Variants in AIG1 observed in about 807,000 individuals in gnomAD.
The protein encoded by AIG1 is androgen induced 1.
In AIG1, 23 loss-of-function variants were observed where a neutral mutation model predicts 31.4. That is an observed-to-expected ratio of 0.73 (90% CI 0.53 to 1.04). The LOEUF (loss-of-function observed/expected upper bound fraction) is 1.04, where lower values mean the gene tolerates loss of function less well. Ranked by LOEUF, AIG1 falls within the 50% of genes least tolerant of loss-of-function variation. AIG1 has a pLI of 0.00. For synonymous variants in AIG1, 100 were observed against 110.5 expected, an observed-to-expected ratio of 0.90 and a Z score of 0.60; for missense variants, 274 against 295.0, an observed-to-expected ratio of 0.93 and a Z score of 0.52.
intron 3 of AIG1, among the ~76,000 whole-genome samples, chr6:143,214,769 A>G (rs1252578481): frequency 6.6e-6 from 1 of 152,004 alleles, no homozygotes; most frequent in Non-Finnish European, 1.5e-5. Context: ...CTGCACACCT[A>G]TGCTTCACCA....
intron 3 of AIG1, among the ~76,000 whole-genome samples, chr6:143,205,390 GT>G (rs1791033329): frequency 6.6e-6 from 1 of 152,170 alleles, no homozygotes; most frequent in South Asian, 2.1e-4. Flanking sequence ...CCACAGAGCT[GT>G]TTGATTGGGT....
At chr6:143,267,452 C>G (rs1179627814) in intron 3 of AIG1, among the ~76,000 whole-genome samples, 1 of 152,204 alleles carries the variant, frequency 6.6e-6, no homozygotes, top group Non-Finnish European at 1.5e-5. Context: ...TTATAATCCT[C>G]TACTCATTTG....
chr6:143,135,592 C>T (rs1441194416), intron 1 of AIG1, among the ~76,000 whole-genome samples: 1 of 152,076 alleles, frequency 6.6e-6, no homozygotes, highest in Non-Finnish European at 1.5e-5. Context: ...TATGAGGAAA[C>T]AGAACATTAC....
rs372196603 is a variant in AIG1, at chr6:143,157,777, T to C, written c.298-7305T>C. ...TTTTTCTTCTTTGACCTCTTTTCTT[T>C]AATGGAGAATTATTTGATCATGAAT... On this transcript the variant is annotated intron_variant, in intron 2 of 5. Transcript: ENST00000357847. Among the ~76,000 whole-genome samples, 83 of 152,348 alleles carry C rather than the reference T, an allele frequency of 5.4e-4. No individual in the cohort carries two copies. The East Asian group carries it at 0.012, about 22-fold the overall frequency.
intron 1 of AIG1, among the ~76,000 whole-genome samples, chr6:143,063,530 A>G (rs773794569): frequency 1.8e-4 from 27 of 152,154 alleles, no homozygotes; most frequent in Non-Finnish European, 3.7e-4. Context: ...AAAACAACCA[A>G]CCTGTCAATC....
intron 1 of AIG1, among the ~76,000 whole-genome samples, chr6:143,108,227 C>G (rs1240742116): frequency 6.6e-6 from 1 of 152,158 alleles, no homozygotes; most frequent in Non-Finnish European, 1.5e-5. Flanking sequence ...AGACTCAAAT[C>G]TGTTTAAAAA....
intron 1 of AIG1, among the ~76,000 whole-genome samples, chr6:143,131,338 C>T (rs1250199675): frequency 6.8e-4 from 103 of 151,928 alleles, no homozygotes; most frequent in Admixed American, 6.6e-3. Flanking sequence ...TTTAAATGGC[C>T]CCCAGAGATG....
chr6:143,184,882 G>A (rs1010337177), intron 3 of AIG1, among the ~76,000 whole-genome samples: 1 of 152,206 alleles, frequency 6.6e-6, no homozygotes, highest in Non-Finnish European at 1.5e-5. Flanking sequence ...TAGGACAAGA[G>A]TGTGGCAACC....
At chr6:143,132,342 G>T (rs1386488130) in intron 1 of AIG1, among the ~76,000 whole-genome samples, 1 of 152,044 alleles carries the variant, frequency 6.6e-6, no homozygotes. Flanking sequence ...CTGTTTATCT[G>T]AAAAAGTCTT....
intron 3 of AIG1, among the ~76,000 whole-genome samples, chr6:143,182,416 G>A (rs1583440332): frequency 6.6e-6 from 1 of 152,152 alleles, no homozygotes; most frequent in Non-Finnish European, 1.5e-5. Flanking sequence ...GATGTTAATG[G>A]ATCAAGCTAG....
At chr6:143,190,070 G>A in intron 3 of AIG1, 1 of 648,308 alleles carries the variant, frequency 1.5e-6, no homozygotes, top group Non-Finnish European at 1.9e-6. Context: ...ATTCATTGAG[G>A]ATTCCACCCC....
intron 3 of AIG1, among the ~76,000 whole-genome samples, chr6:143,248,412 T>C (rs1794765803): frequency 6.6e-6 from 1 of 152,166 alleles, no homozygotes; most frequent in African/African-American, 2.4e-5. Flanking sequence ...ATATAGGGTG[T>C]AATTAGAGAC....
chr6:143,114,666 C>T (rs927951981), intron 1 of AIG1, among the ~76,000 whole-genome samples: 1 of 152,190 alleles, frequency 6.6e-6, no homozygotes, highest in Non-Finnish European at 1.5e-5. Flanking sequence ...TGGGTGTCAG[C>T]TTGCAGGTTC....
At chr6:143,206,750 A>C (rs963853024) in intron 3 of AIG1, among the ~76,000 whole-genome samples, 1 of 152,192 alleles carries the variant, frequency 6.6e-6, no homozygotes, top group African/African-American at 2.4e-5. Flanking sequence ...ATGAGTCAGC[A>C]TTTTTATATC....
chr6:143,214,746 C>T (rs574700919), intron 3 of AIG1, among the ~76,000 whole-genome samples: 9 of 152,222 alleles, frequency 5.9e-5, no homozygotes, highest in African/African-American at 1.9e-4. Flanking sequence ...GATTTTTACT[C>T]ACCTTCCTCC....
At chr6:143,172,670 G>T (rs966264035) in intron 3 of AIG1, among the ~76,000 whole-genome samples, 1 of 152,184 alleles carries the variant, frequency 6.6e-6, no homozygotes, top group Non-Finnish European at 1.5e-5. Flanking sequence ...ATGGCTGATA[G>T]AATTTAGCTG....
Position 143,284,118 on chromosome 6 carries a change from G to A in AIG1, c.408G>A (p.Thr136=), listed in dbSNP as rs1283953692. 21 of 1,612,970 alleles carry A rather than the reference G, an allele frequency of 1.3e-5. No individual in the cohort carries two copies. In the Admixed American group the frequency reaches 2.3e-4, roughly 18 times the overall value. Residue 136 remains threonine, a synonymous_variant, in exon 4 of 6, where the codon ACG becomes ACA. Coordinates refer to ENST00000357847, the MANE Select transcript of AIG1 (RefSeq NM_016108.4). The surrounding 1 kb of genome is among the most constrained non-coding windows in gnomAD (Gnocchi z 4.4). ...PGWLNHGMHT[T]VLPFILIEMR... ...TCTCTGTTATTTTCCAGCACACGAC[G>A]GTTCTGCCCTTTATATTAATCGAGA...
At chr6:143,110,693 T>G (rs146361201) in intron 1 of AIG1, among the ~76,000 whole-genome samples, 1 of 151,554 alleles carries the variant, frequency 6.6e-6, no homozygotes, top group Admixed American at 6.6e-5. Flanking sequence ...AGGTGCGGAG[T>G]TTTTTTTGGT....
chr6:143,225,137 C>G (rs1792846923), intron 3 of AIG1, among the ~76,000 whole-genome samples: 1 of 152,168 alleles, frequency 6.6e-6, no homozygotes, highest in African/African-American at 2.4e-5. Flanking sequence ...GGAGTCTTCC[C>G]TCCTGTCTCT....
Sources: allele counts gnomAD v4.1 joint callset (sites outside exome capture counted in the v4.1 genomes callset), GRCh38; gene constraint gnomAD v4.1.1; non-coding constraint Gnocchi (gnomAD v3.1); transcripts MANE v1.5; gene names NCBI Gene and HGNC (gene_info 2026-07-23, HGNC 2026-07-21).